Variants in DLEU7 observed in about 807,000 individuals in gnomAD.
DLEU7 encodes the protein leukemia-associated protein 7.
Under a neutral mutation model 16.0 loss-of-function variants are expected in DLEU7, and 17 were observed. The ratio of observed to expected loss-of-function variants is 1.06; its 90% CI spans 0.73 to 1.59. The LOEUF is 1.59. Ranked by LOEUF, DLEU7 falls within the 40% of genes most tolerant of loss-of-function variation. The pLI, the probability that DLEU7 is intolerant of heterozygous loss-of-function variation, is 0.00. For missense variants in DLEU7, 308 were observed against 314.9 expected (o/e 0.98, Z 0.17); for synonymous variants, 113 against 139.8 (o/e 0.81, Z 1.35).
chr13:50,766,314 T>C (rs1875107484), intron 1 of DLEU7, among the ~76,000 whole-genome samples: 1 of 152,212 alleles, frequency 6.6e-6, no homozygotes, highest in Admixed American at 6.5e-5. Context: ...TCCACCCGTC[T>C]CCTTGTCTCC....
intron 1 of DLEU7, among the ~76,000 whole-genome samples, chr13:50,833,463 C>T (rs1037969590): frequency 1.3e-5 from 2 of 152,096 alleles, no homozygotes; most frequent in African/African-American, 4.8e-5. Context: ...GAATAAAATA[C>T]CAAGGAATAC....
At position 50,828,541 on chromosome 13, in the gene DLEU7, CT is replaced by C. The variant is rs1283870358; in HGVS notation, c.460-5022del. On this transcript the variant is annotated intron_variant, in intron 1 of 1. Coordinates refer to ENST00000504404, the MANE Select transcript of DLEU7 (RefSeq NM_001306135.2). ...TGATTATGTAAATAAAGAATAATCC[CT>C]GAAAATCCATGAGCTAAAAATTCAA... 2.6e-5 allele frequency among the ~76,000 whole-genome samples: 4 copies of C among 151,982 alleles called. No homozygotes were observed. In the East Asian group the frequency reaches 7.7e-4, roughly 29 times the overall value.
rs1398927042 is a variant in DLEU7 at position 50,715,818 on chromosome 13, C to G, written c.460-2578G>C. Among the ~76,000 whole-genome samples the G allele has an allele frequency of 2.6e-5, 4 of 152,366 alleles. No homozygotes were observed. In the East Asian group the frequency reaches 7.7e-4, roughly 29 times the overall value. On this transcript the variant is annotated intron_variant, in intron 1 of 1. Transcript: ENST00000400393. ...GCTACCAAATCACAACCTTGCCTTTCCTCCCTACTGCTGTTCTGATGTGGG... is the reference window on the plus strand; with the variant it reads ...GCTACCAAATCACAACCTTGCCTTTGCTCCCTACTGCTGTTCTGATGTGGG...
intron 1 of DLEU7, among the ~76,000 whole-genome samples, chr13:50,767,455 CAAAAAAAAAAAA>C (rs35091007): frequency 1.6e-5 from 1 of 64,484 alleles, no homozygotes; most frequent in Non-Finnish European, 3.0e-5. Flanking sequence ...GACTCCGTCT[CAAAAAAAAAAAA>C]AAAAAAAAAA....
At chr13:50,771,139 T>A (rs955460459) in intron 1 of DLEU7, among the ~76,000 whole-genome samples, 1 of 152,224 alleles carries the variant, frequency 6.6e-6, no homozygotes, top group Non-Finnish European at 1.5e-5. Flanking sequence ...TTTTATTGTG[T>A]CTATTTGATT....
At chr13:50,765,160 G>A (rs1566243481) in intron 1 of DLEU7, among the ~76,000 whole-genome samples, 1 of 152,156 alleles carries the variant, frequency 6.6e-6, no homozygotes, top group Non-Finnish European at 1.5e-5. Flanking sequence ...TGAGATTACA[G>A]GCATGAGCCA....
At chr13:50,836,764 ACTT>A (rs1324746247) in intron 1 of DLEU7, among the ~76,000 whole-genome samples, 1 of 152,166 alleles carries the variant, frequency 6.6e-6, no homozygotes, top group Non-Finnish European at 1.5e-5. Flanking sequence ...TCCTTAATAA[ACTT>A]CTGCCTGGCC....
At chr13:50,752,638 CG>C (rs1186473455) in intron 1 of DLEU7, among the ~76,000 whole-genome samples, 1 of 151,334 alleles carries the variant, frequency 6.6e-6, no homozygotes, top group Non-Finnish European at 1.5e-5. Context: ...CCGACCTTCA[CG>C]GTGAGTGTTA....
intron 1 of DLEU7, among the ~76,000 whole-genome samples, chr13:50,751,947 T>C (rs1378897569): frequency 6.6e-6 from 1 of 152,130 alleles, no homozygotes. Context: ...TTAGTTCTGC[T>C]CTGATCTTGG....
At chr13:50,756,628 C>T (rs1257038189) in intron 1 of DLEU7, among the ~76,000 whole-genome samples, 1 of 152,168 alleles carries the variant, frequency 6.6e-6, no homozygotes, top group African/African-American at 2.4e-5. Flanking sequence ...GAGAACTTGC[C>T]CCAGGCTACC....
chr13:50,749,392 A>C (rs1037368293), intron 1 of DLEU7, among the ~76,000 whole-genome samples: 4 of 152,170 alleles, frequency 2.6e-5, no homozygotes, highest in African/African-American at 9.7e-5. Context: ...GTGTTGCTAT[A>C]AACATGCATG....
chr13:50,825,291 G>A (rs951068232), intron 1 of DLEU7, among the ~76,000 whole-genome samples: 1 of 152,088 alleles, frequency 6.6e-6, no homozygotes, highest in Non-Finnish European at 1.5e-5. Context: ...ATCACAACAT[G>A]CTGACTATTT....
chr13:50,806,396 A>G (rs1566257242), intron 1 of DLEU7, among the ~76,000 whole-genome samples: 1 of 152,160 alleles, frequency 6.6e-6, no homozygotes, highest in Admixed American at 6.5e-5. Flanking sequence ...CTGAATATAT[A>G]GAGATTTTCT....
chr13:50,817,641 A>G (rs1049449116), intron 1 of DLEU7, among the ~76,000 whole-genome samples: 1 of 152,156 alleles, frequency 6.6e-6, no homozygotes, highest in Admixed American at 6.6e-5. Context: ...AAAATGGAAA[A>G]TGGAGCCAAC....
intron 1 of DLEU7, among the ~76,000 whole-genome samples, chr13:50,741,040 ATC>A (rs1874237247): frequency 6.6e-6 from 1 of 152,186 alleles, no homozygotes; most frequent in African/African-American, 2.4e-5. Context: ...CTCAGAGAAG[ATC>A]TAATAAAGTC....
At chr13:50,822,161 T>TA (rs1876927381), downstream of DLEU7, among the ~76,000 whole-genome samples, 1 of 152,140 alleles carries the variant, frequency 6.6e-6, no homozygotes, top group Non-Finnish European at 1.5e-5. Context: ...AATGGTCAGT[T>TA]ACGTCCAAAG....
At chr13:50,767,227 G>A (rs111472445) in intron 1 of DLEU7, among the ~76,000 whole-genome samples, 5 of 151,978 alleles carry the variant, frequency 3.3e-5, no homozygotes, top group Admixed American at 1.3e-4. Context: ...AGGCCGAGGC[G>A]GGCAGATCAT....
intron 1 of DLEU7, among the ~76,000 whole-genome samples, chr13:50,760,528 AC>A (rs1274159103): frequency 6.6e-6 from 1 of 152,058 alleles, no homozygotes; most frequent in African/African-American, 2.4e-5. Context: ...GGTCTGGCTA[AC>A]TTTTGTATTT....
intron 1 of DLEU7, among the ~76,000 whole-genome samples, chr13:50,755,632 G>A (rs181229478): frequency 4.0e-5 from 6 of 151,746 alleles, no homozygotes; most frequent in East Asian, 3.9e-4. Flanking sequence ...ATTGGGCTTC[G>A]CCTTTCTCTG....
Sources: gnomAD v4.1 joint callset for allele counts (sites outside exome capture counted in the v4.1 genomes callset) on GRCh38, gnomAD v4.1.1 for gene constraint, MANE v1.5 for transcripts, NCBI Gene and HGNC (gene_info 2026-07-23, HGNC 2026-07-21) for gene names.